ACOT7: variants seen among roughly 807,000 people sequenced by gnomAD.
ACOT7 encodes acyl-CoA thioesterase 7, also known as cytosolic acyl coenzyme A thioester hydrolase.
A neutral mutation model predicts 40.2 loss-of-function variants in ACOT7; 12 were observed. The observed-to-expected ratio is 0.30, with a 90% CI of 0.19 to 0.48. The LOEUF is 0.48. Ranked by LOEUF, ACOT7 falls within the 20% of genes least tolerant of loss-of-function variation. The pLI is 0.99. For missense variants in ACOT7, 395 were observed against 530.8 expected (o/e 0.74, Z 2.51); for synonymous variants, 228 against 219.5 (o/e 1.04, Z -0.34).
chr1:6,307,636 C>T (rs1027611651), intron 6 of ACOT7, among the ~76,000 whole-genome samples: 5 of 151,868 alleles, frequency 3.3e-5, no homozygotes, highest in Admixed American at 1.3e-4. Context: ...CAGCAACAGG[C>T]GGAGGGAAGA....
At chr1:6,276,126 A>G (rs1639182028) in intron 8 of ACOT7, among the ~76,000 whole-genome samples, 1 of 152,052 alleles carries the variant, frequency 6.6e-6, no homozygotes, top group Non-Finnish European at 1.5e-5. Context: ...CCAGGCTGGG[A>G]CCCACAAGTT....
At chr1:6,354,887 C>T (rs1443360974) in intron 1 of ACOT7, among the ~76,000 whole-genome samples, 1 of 151,616 alleles carries the variant, frequency 6.6e-6, no homozygotes, top group African/African-American at 2.4e-5. Flanking sequence ...CTGCACTTGC[C>T]TCTTGCCTTG....
chr1:6,272,440 A>T (rs1639063945), intron 8 of ACOT7, among the ~76,000 whole-genome samples: 1 of 152,176 alleles, frequency 6.6e-6, no homozygotes, highest in African/African-American at 2.4e-5. Context: ...GACAAAGATG[A>T]GATGAGAGTG....
intron 8 of ACOT7, among the ~76,000 whole-genome samples, chr1:6,266,555 CAT>C (rs1638858702): frequency 6.6e-6 from 1 of 152,286 alleles, no homozygotes; most frequent in African/African-American, 2.4e-5. Flanking sequence ...CCGCGGACCA[CAT>C]CTGTGTAGCA....
At chr1:6,312,498 C>G (rs986950246) in intron 6 of ACOT7, among the ~76,000 whole-genome samples, 1 of 149,702 alleles carries the variant, frequency 6.7e-6, no homozygotes, top group African/African-American at 2.5e-5. Context: ...GAGTCTCGCT[C>G]TGTCACCCAG....
intron 1 of ACOT7, among the ~76,000 whole-genome samples, chr1:6,356,771 T>A (rs1040655754): frequency 6.6e-6 from 1 of 150,388 alleles, no homozygotes; most frequent in Non-Finnish European, 1.5e-5. Flanking sequence ...AGAAAAAAAA[T>A]AGCTGGGCGT....
At chr1:6,279,776 G>A (rs554162457) in intron 8 of ACOT7, among the ~76,000 whole-genome samples, 3 of 152,266 alleles carry the variant, frequency 2.0e-5, no homozygotes, top group East Asian at 1.9e-4. Flanking sequence ...CACACCTGGC[G>A]CTACCACCAC....
At chr1:6,279,056 G>C (rs1476453029) in intron 8 of ACOT7, among the ~76,000 whole-genome samples, 1 of 152,242 alleles carries the variant, frequency 6.6e-6, no homozygotes, top group East Asian at 1.9e-4. Context: ...CATGGGAGGG[G>C]CGTCGGGTCC....
intron 1 of ACOT7, among the ~76,000 whole-genome samples, chr1:6,367,622 G>A (rs1032867993): frequency 3.9e-5 from 6 of 152,224 alleles, no homozygotes; most frequent in Non-Finnish European, 8.8e-5. Flanking sequence ...TTGCCTGGTT[G>A]GCACACGGGA....
At chr1:6,386,519 G>A (rs917403220) in intron 1 of ACOT7, among the ~76,000 whole-genome samples, 1 of 152,110 alleles carries the variant, frequency 6.6e-6, no homozygotes, top group East Asian at 1.9e-4. Context: ...GTACGACATC[G>A]TAAATATGTC....
rs773239324 is a variant in ACOT7, at chr1:6,282,108, G to A, written c.830-822C>T. Among the ~76,000 whole-genome samples, 1 of 152,072 alleles carries A rather than the reference G, an allele frequency of 6.6e-6. No individual in the cohort carries two copies. Among genetic ancestry groups the A allele is most frequent in the Admixed American group, 6.6e-5 (1 of 15,266 alleles). On this transcript the variant is annotated intron_variant, in intron 7 of 8. Coordinates refer to ENST00000361521, the MANE Select transcript of ACOT7 (RefSeq NM_007274.4). The surrounding 1 kb of genome is among the most constrained non-coding windows in gnomAD (Gnocchi z 4.5). ...CTCTCTGTACGCCCCACGCTCCCCA[G>A]GGCACGACAGTCCATCCTGGCAGAA...
rs1002884654 is a variant in ACOT7 at position 6,278,039 on chromosome 1, C to T, written c.1014+3063G>A. 6.6e-6 allele frequency among the ~76,000 whole-genome samples: 1 copy of T among 151,816 alleles called. No homozygotes were observed. The highest frequency in any genetic ancestry group is 2.4e-5 in the African/African-American group (1 of 41,288). ...TGACCCGGGCAGCCAGGCGCCTGCT[C>T]CTGGATATGTGAGCCTGACAGTCCA... On this transcript the variant is annotated intron_variant, in intron 8 of 8. Coordinates refer to ENST00000361521, the MANE Select transcript of ACOT7 (RefSeq NM_007274.4). The surrounding 1 kb of genome is among the most constrained non-coding windows in gnomAD (Gnocchi z 4.1).
intron 6 of ACOT7, among the ~76,000 whole-genome samples, chr1:6,312,240 C>A (rs913392543): frequency 4.6e-5 from 7 of 152,072 alleles, no homozygotes; most frequent in Non-Finnish European, 8.8e-5. Flanking sequence ...AGGGGTATTA[C>A]AAAATTGAAA....
intron 8 of ACOT7, among the ~76,000 whole-genome samples, chr1:6,273,186 C>G (rs1305074824): frequency 6.6e-6 from 1 of 152,222 alleles, no homozygotes; most frequent in Non-Finnish European, 1.5e-5. Flanking sequence ...CACAGTGGAT[C>G]TTTCAGAGAT....
At chr1:6,296,141 C>T (rs1038775857) in intron 6 of ACOT7, among the ~76,000 whole-genome samples, 6 of 151,926 alleles carry the variant, frequency 3.9e-5, no homozygotes, top group African/African-American at 7.3e-5. Flanking sequence ...AACGATCTGC[C>T]CACCTCACCT....
At chr1:6,331,253 T>C (rs3789484) in intron 4 of ACOT7, among the ~76,000 whole-genome samples, 50,805 of 152,086 alleles carry the variant, frequency 0.33, 12,420 homozygotes, top group African/African-American at 0.7. Context: ...AAAATGCAAA[T>C]GCTCCAAAAA....
In ACOT7 at chr1:6,358,907, G is replaced by A. The variant is rs753903448; in HGVS notation, c.144-9041C>T. The stretch of plus-strand genomic sequence containing the variant: ...GGCGAGGGAGCAGGGAAGCATCACA[G>A]AGTCCTTGCCTGACCCAGGACTGTC... On this transcript the variant is annotated intron_variant, in intron 1 of 8. Coordinates refer to ENST00000361521, the MANE Select transcript of ACOT7 (RefSeq NM_007274.4). The surrounding 1 kb of genome is among the most constrained non-coding windows in gnomAD (Gnocchi z 4.1). 1.0e-5 allele frequency: 16 copies of A among 1,603,894 alleles called. No homozygotes were observed. Among genetic ancestry groups the A allele is most frequent in the South Asian group, 3.4e-5 (3 of 89,386 alleles).
At position 6,339,602 on chromosome 1, in the gene ACOT7, A is replaced by T. The variant is rs995226095; in HGVS notation, c.262-13T>A. 9 of 1,609,378 alleles carry T rather than the reference A, an allele frequency of 5.6e-6. No individual in the cohort carries two copies. Among genetic ancestry groups the T allele is most frequent in the Non-Finnish European group, 5.9e-6 (7 of 1,176,962 alleles). On this transcript the variant is annotated splice_polypyrimidine_tract_variant and intron_variant, in intron 2 of 8. Coordinates refer to ENST00000361521, the MANE Select transcript of ACOT7 (RefSeq NM_007274.4). ...CCACACAGCGCTCCTGTGGAGACAG[A>T]GGCAGTTGTCAGCCCAGGTCAGCCA...
intron 6 of ACOT7, among the ~76,000 whole-genome samples, chr1:6,302,386 G>A (rs74845901): frequency 0.011 from 1,732 of 152,084 alleles, 37 homozygotes; most frequent in African/African-American, 0.039. Flanking sequence ...CACTTAGAAC[G>A]GTCCAAAAAC....
Sources: gnomAD v4.1 joint callset for allele counts (sites outside exome capture counted in the v4.1 genomes callset) on GRCh38, gnomAD v4.1.1 for gene constraint, Gnocchi (gnomAD v3.1) non-coding constraint, MANE v1.5 for transcripts, NCBI Gene and HGNC (gene_info 2026-07-23, HGNC 2026-07-21) for gene names.